The following THUMPD2 variants were observed in gnomAD, a reference collection of about 807,000 sequenced individuals.
The protein encoded by THUMPD2 is U6 snRNA (guanine-N(2))-methyltransferase THUMPD2.
A neutral mutation model predicts 49.4 loss-of-function variants in THUMPD2; 56 were observed. The ratio of observed to expected loss-of-function variants is 1.13; its 90% CI spans 0.91 to 1.41. The LOEUF (loss-of-function observed/expected upper bound fraction) is 1.41. Ranked by LOEUF, THUMPD2 falls within the 40% of genes most tolerant of loss-of-function variation. The pLI, the probability that THUMPD2 is intolerant of heterozygous loss-of-function variation, is 0.00. For synonymous variants in THUMPD2, 237 were observed against 205.2 expected, an observed-to-expected ratio of 1.15 and a Z score of -1.32; for missense variants, 709 against 594.5, an observed-to-expected ratio of 1.19 and a Z score of -2.00.
intron 8 of THUMPD2, among the ~76,000 whole-genome samples, chr2:39,751,559 A>G (rs1275463027): frequency 2.0e-5 from 3 of 152,218 alleles, no homozygotes; most frequent in African/African-American, 7.2e-5. Flanking sequence ...TGCAGATTTA[A>G]AAAAGCCTAA....
chr2:39,758,463 T>A (rs573340933), intron 6 of THUMPD2, among the ~76,000 whole-genome samples: 1 of 151,986 alleles, frequency 6.6e-6, no homozygotes, highest in Non-Finnish European at 1.5e-5. Flanking sequence ...AAAAGGAACA[T>A]GTGTGGGGCC....
At chr2:39,773,585 T>A (rs955452028) in intron 1 of THUMPD2, among the ~76,000 whole-genome samples, 112 of 135,758 alleles carry the variant, frequency 8.2e-4, no homozygotes, top group Non-Finnish European at 1.2e-3. Flanking sequence ...ATTTTAAAAA[T>A]ATATATATAT....
At chr2:39,744,014 G>T (rs1423309135) in intron 9 of THUMPD2, among the ~76,000 whole-genome samples, 1 of 149,962 alleles carries the variant, frequency 6.7e-6, no homozygotes, top group East Asian at 2.0e-4. Flanking sequence ...CATCTGTTAA[G>T]TGTGGGGGAT....
rs894828987 is a variant in THUMPD2 at position 39,736,636 on chromosome 2, T to C, written c.*99A>G. 6.2e-5 allele frequency: 70 copies of C among 1,135,634 alleles called. 2 individuals carry two copies. The African/African-American group carries it at 9.6e-4, about 16-fold the overall frequency. The allele number at this position is 1,135,634 out of a possible 1,614,324, so 70.3% of individuals were successfully genotyped here. A position where few individuals can be genotyped will look rare whatever the true frequency, so the allele number is the denominator to read the frequency against. ...CCTGTCTTTGGGGGAATTTGGTTAC[T>C]TGGAGCTCTGTGGGTGCTATATGAA... On this transcript the variant is annotated 3_prime_UTR_variant, in exon 10 of 10. Transcript: ENST00000505747.
intron 9 of THUMPD2, among the ~76,000 whole-genome samples, chr2:39,740,723 T>A (rs1673782134): frequency 6.6e-6 from 1 of 151,646 alleles, no homozygotes; most frequent in South Asian, 2.1e-4. Context: ...TAATTTCTTT[T>A]CTTTTCTTTT....
At chr2:39,754,132 G>T (rs928590541) in intron 8 of THUMPD2, among the ~76,000 whole-genome samples, 1 of 152,150 alleles carries the variant, frequency 6.6e-6, no homozygotes, top group Non-Finnish European at 1.5e-5. Context: ...AATGTAAAGG[G>T]ATTGAAAACT....
At position 39,769,906 on chromosome 2, in the gene THUMPD2, C is replaced by T. The variant is rs745347087; in HGVS notation, c.476G>A (p.Arg159Lys). 1 of 1,591,810 alleles carries T rather than the reference C, an allele frequency of 6.3e-7. No homozygotes were observed. Among genetic ancestry groups the T allele is most frequent in the South Asian group, 1.2e-5 (1 of 85,614 alleles). ...IEQMQKIEEN[R>K]DCQLEKQIKE... The stretch of plus-strand genomic sequence containing the variant: ...TATTTGTTTTTCCAGCTGGCAGTCC[C>T]TATTCTCTTCTATCTTTTGCATTTG... The change falls in exon 3 of 10, where the codon AGG (arginine) becomes AAG (lysine). Residue 159 changes from arginine to lysine, a missense_variant. Transcript: ENST00000505747.
chr2:39,736,789 T>TC lies in THUMPD2; in HGVS notation c.1457dup (p.Thr488AspfsTer7). 6.2e-7 allele frequency: 1 copy of TC among 1,614,202 alleles called. No individual in the cohort carries two copies. The highest frequency in any genetic ancestry group is 8.5e-7 in the Non-Finnish European group (1 of 1,180,014). On this transcript the variant is annotated frameshift_variant, in exon 10 of 10. Coordinates refer to ENST00000505747, the MANE Select transcript of THUMPD2 (RefSeq NM_025264.5). LOFTEE classifies it high-confidence loss of function. ...ATTTACATATGAACGCATCTGTCTT[T>TC]CCAAGGCTAACTTTGTAGCATTCCA...
At position 39,744,489 on chromosome 2, in the gene THUMPD2, G is replaced by C; in HGVS notation, c.1079-11C>G. Reference sequence around the variant, plus strand: ...AAGGCAATGGCAATTCTGAAATATAGAAATCAGAGAATCCTATTACAGTAG... The same window carrying C: ...AAGGCAATGGCAATTCTGAAATATACAAATCAGAGAATCCTATTACAGTAG... On this transcript the variant is annotated splice_polypyrimidine_tract_variant and intron_variant, in intron 8 of 9. Transcript: ENST00000505747. 1 of 1,502,742 alleles carries C rather than the reference G, an allele frequency of 6.7e-7. No homozygotes were observed. Among genetic ancestry groups the C allele is most frequent in the Non-Finnish European group, 9.0e-7 (1 of 1,106,814 alleles). 93.1% of individuals were successfully genotyped at this position (1,502,742 alleles called of 1,614,324 possible).
At chr2:39,775,689 G>A (rs1041271708) in intron 1 of THUMPD2, among the ~76,000 whole-genome samples, 16 of 147,818 alleles carry the variant, frequency 1.1e-4, no homozygotes, top group African/African-American at 3.5e-4. Flanking sequence ...CTTGAACCCA[G>A]GAGGCGGAGG....
At chr2:39,761,284 T>C in intron 6 of THUMPD2, 47 bp downstream of exon 6, 1 of 1,531,920 alleles carries the variant, frequency 6.5e-7, no homozygotes, top group Non-Finnish European at 9.0e-7. Flanking sequence ...ATAAGTTAAT[T>C]ATGAAAAGAA....
chr2:39,766,329 A>G (rs1677513395), intron 4 of THUMPD2: 2 of 369,664 alleles, frequency 5.4e-6, no homozygotes, highest in Middle Eastern at 1.4e-3. Flanking sequence ...TCTGAGGTCA[A>G]TTTATTATAT....
At position 39,738,456 on chromosome 2, in the gene THUMPD2, T is replaced by C. The variant is rs190763033; in HGVS notation, c.1188-1397A>G. Among the ~76,000 whole-genome samples, 449 of 151,742 alleles carry C rather than the reference T, an allele frequency of 3.0e-3. 1 individual carries two copies. Among genetic ancestry groups the C allele is most frequent in the African/African-American group, 0.01 (432 of 41,376 alleles). On this transcript the variant is annotated intron_variant, in intron 9 of 9. Coordinates refer to ENST00000505747, the MANE Select transcript of THUMPD2 (RefSeq NM_025264.5). Reference sequence around the variant, plus strand: ...GCGTGTGCCTGTAATCCCAGGTACTTGGGAGGCTGGGATGGGAGGACTGCT... The same window carrying C: ...GCGTGTGCCTGTAATCCCAGGTACTCGGGAGGCTGGGATGGGAGGACTGCT...
At chr2:39,757,541 G>C (rs1374336635) in intron 6 of THUMPD2, among the ~76,000 whole-genome samples, 1 of 152,136 alleles carries the variant, frequency 6.6e-6, no homozygotes, top group Non-Finnish European at 1.5e-5. Context: ...ATTTTTATTA[G>C]GATCTCAAAT....
At chr2:39,738,659 T>C (rs942839410) in intron 9 of THUMPD2, among the ~76,000 whole-genome samples, 1 of 121,766 alleles carries the variant, frequency 8.2e-6, no homozygotes, top group Admixed American at 9.3e-5. Flanking sequence ...TATATACATA[T>C]AAATTATATG....
chr2:39,769,430 G>A (rs563733324), intron 3 of THUMPD2: 10 of 326,014 alleles, frequency 3.1e-5, no homozygotes, highest in Middle Eastern at 8.6e-4. Flanking sequence ...GGCCAGGCAT[G>A]GTGGCTCCCG....
At chr2:39,775,701 T>A (rs1218301783) in intron 1 of THUMPD2, among the ~76,000 whole-genome samples, 1 of 139,428 alleles carries the variant, frequency 7.2e-6, no homozygotes, top group Non-Finnish European at 1.5e-5. Context: ...AGGCGGAGGT[T>A]GCAGTGAGCC....
At chr2:39,756,583 T>C (rs180706220) in intron 6 of THUMPD2, among the ~76,000 whole-genome samples, 11 of 151,938 alleles carry the variant, frequency 7.2e-5, no homozygotes, top group Admixed American at 6.6e-4. Context: ...TCTGGTCAAA[T>C]GACTGGAGGG....
Position 39,759,254 on chromosome 2 carries a change from GAAGT to G in THUMPD2, c.891+2073_891+2076del, listed in dbSNP as rs1294239266. ...TGGAAGAAAAAGTGCTTAGGCCGGA[GAAGT>G]AAAAATAAATAATAATTTTTATAAT... On this transcript the variant is annotated intron_variant, in intron 6 of 9. Coordinates refer to ENST00000505747, the MANE Select transcript of THUMPD2 (RefSeq NM_025264.5). 3.3e-5 allele frequency among the ~76,000 whole-genome samples: 5 copies of G among 151,758 alleles called. No homozygotes were observed. The East Asian group carries it at 7.7e-4, about 23-fold the overall frequency.
Sources: gnomAD v4.1 joint callset for allele counts (sites outside exome capture counted in the v4.1 genomes callset) on GRCh38, gnomAD v4.1.1 for gene constraint, MANE v1.5 for transcripts, NCBI Gene and HGNC (gene_info 2026-07-23, HGNC 2026-07-21) for gene names.